The following NALF1 variants were observed in gnomAD, a reference collection of about 807,000 sequenced individuals.
NALF1 encodes NALCN channel auxiliary factor 1, also known as family with sequence similarity 155 member A.
Under a neutral mutation model 48.4 loss-of-function variants are expected in NALF1, and 3 were observed. That is an observed-to-expected ratio of 0.06 (90% CI 0.03 to 0.16). The LOEUF is 0.16. Ranked by LOEUF, NALF1 falls within the 10% of genes least tolerant of loss-of-function variation. The pLI is 1.00. For missense variants in NALF1, 526 were observed against 571.5 expected (o/e 0.92, Z 0.81); for synonymous variants, 262 against 245.7 (o/e 1.07, Z -0.62).
At chr13:107,599,421 CAAAAAAA>C (rs59715915) in intron 1 of NALF1, among the ~76,000 whole-genome samples, 1 of 122,244 alleles carries the variant, frequency 8.2e-6, no homozygotes, top group Non-Finnish European at 1.7e-5. Flanking sequence ...GACTCCGTCT[CAAAAAAA>C]AAAAAAAAAA....
At chr13:107,644,435 AT>A (rs1201893752) in intron 1 of NALF1, among the ~76,000 whole-genome samples, 320 of 151,464 alleles carry the variant, frequency 2.1e-3, no homozygotes, top group African/African-American at 7.4e-3. Flanking sequence ...AAAAAAAAAA[AT>A]CTATCCAGTG....
intron 1 of NALF1, among the ~76,000 whole-genome samples, chr13:107,587,722 T>C (rs1878498049): frequency 6.6e-6 from 1 of 152,184 alleles, no homozygotes; most frequent in Non-Finnish European, 1.5e-5. Context: ...AGACGAACAA[T>C]GAGAGGCATG....
chr13:107,495,372 A>T (rs1875295174), intron 1 of NALF1, among the ~76,000 whole-genome samples: 1 of 152,178 alleles, frequency 6.6e-6, no homozygotes, highest in Admixed American at 6.5e-5. Context: ...TTCTATGAAG[A>T]TTTTAATGAA....
intron 1 of NALF1, among the ~76,000 whole-genome samples, chr13:107,229,976 G>C (rs1880186029): frequency 6.6e-6 from 1 of 152,194 alleles, no homozygotes; most frequent in Non-Finnish European, 1.5e-5. Context: ...GGGCCAAGTA[G>C]AGAGAAGTCC....
chr13:107,395,292 A>C (rs990749239), intron 1 of NALF1, among the ~76,000 whole-genome samples: 1 of 152,076 alleles, frequency 6.6e-6, no homozygotes, highest in Non-Finnish European at 1.5e-5. Context: ...GTGGTTGCTG[A>C]ATTGATTATG....
rs536136167 is a variant in NALF1 at position 107,766,344 on chromosome 13, T to G, written c.915+99338A>C. Among the ~76,000 whole-genome samples, 7 of 152,260 alleles carry G rather than the reference T, an allele frequency of 4.6e-5. No homozygotes were observed. In the South Asian group the frequency reaches 1.5e-3, roughly 32 times the overall value. On this transcript the variant is annotated intron_variant, in intron 1 of 2. Transcript: ENST00000375915. ...AAATGCTGCTTTGCAAAAGAATAAA[T>G]AACCGATAACAATGTGCTCAGAGAA...
chr13:107,299,427 C>CT (rs1364265409), intron 1 of NALF1, among the ~76,000 whole-genome samples: 1 of 129,760 alleles, frequency 7.7e-6, no homozygotes, highest in Non-Finnish European at 1.6e-5. Flanking sequence ...CAGAGCGAGA[C>CT]TTTGTCTCAA....
intron 1 of NALF1, among the ~76,000 whole-genome samples, chr13:107,635,066 G>A (rs1352397585): frequency 6.6e-6 from 1 of 151,966 alleles, no homozygotes; most frequent in Non-Finnish European, 1.5e-5. Context: ...AATATGTTTT[G>A]GCCAAATACG....
At chr13:107,347,561 C>T (rs1165833861) in intron 1 of NALF1, among the ~76,000 whole-genome samples, 1 of 152,204 alleles carries the variant, frequency 6.6e-6, no homozygotes, top group African/African-American at 2.4e-5. Flanking sequence ...ATCATCTTCT[C>T]TTTCACGGGC....
intron 1 of NALF1, among the ~76,000 whole-genome samples, chr13:107,215,017 CAG>C (rs1188630541): frequency 6.6e-6 from 1 of 152,084 alleles, no homozygotes; most frequent in Non-Finnish European, 1.5e-5. Context: ...TCTGAGAGGA[CAG>C]AAAGTGAAGG....
chr13:107,359,770 C>T (rs775511218), intron 1 of NALF1, among the ~76,000 whole-genome samples: 1 of 152,086 alleles, frequency 6.6e-6, no homozygotes, highest in Non-Finnish European at 1.5e-5. Flanking sequence ...TTCAAAGATT[C>T]TGTCTTTGTT....
Position 107,689,299 on chromosome 13 carries a change from T to G in NALF1, c.915+176383A>C, listed in dbSNP as rs78959865. ...CTTCTTTTTTCTCGTCTCTTTTCTC[T>G]TTTCCTGTACTCAGATGCTACTGAC... On this transcript the variant is annotated intron_variant, in intron 1 of 2. Transcript: ENST00000375915. Among the ~76,000 whole-genome samples, 70 of 152,330 alleles carry G rather than the reference T, an allele frequency of 4.6e-4. No individual in the cohort carries two copies. In the East Asian group the frequency reaches 0.012, roughly 25 times the overall value.
intron 1 of NALF1, among the ~76,000 whole-genome samples, chr13:107,300,796 C>T (rs1221365460): frequency 6.6e-6 from 1 of 152,082 alleles, no homozygotes. Flanking sequence ...GTTTACCTAC[C>T]TCTGGCAGGT....
intron 1 of NALF1, among the ~76,000 whole-genome samples, chr13:107,241,388 G>A (rs1346993241): frequency 1.3e-5 from 2 of 152,164 alleles, no homozygotes; most frequent in African/African-American, 4.8e-5. Flanking sequence ...GGTCATAGAG[G>A]AAGCTGCGAT....
intron 1 of NALF1, among the ~76,000 whole-genome samples, chr13:107,262,655 A>T (rs7330992): frequency 0.79 from 120,126 of 151,984 alleles, 47,683 homozygotes; most frequent in South Asian, 0.89. Flanking sequence ...AAGCACTGTT[A>T]ATACAAATAC....
At chr13:107,382,962 C>G (rs1883465687) in intron 1 of NALF1, among the ~76,000 whole-genome samples, 1 of 152,214 alleles carries the variant, frequency 6.6e-6, no homozygotes, top group Non-Finnish European at 1.5e-5. Context: ...CCAGAGACAG[C>G]AGCTCTGGAG....
At chr13:107,524,899 G>A (rs1876378649) in intron 1 of NALF1, among the ~76,000 whole-genome samples, 1 of 152,024 alleles carries the variant, frequency 6.6e-6, no homozygotes, top group African/African-American at 2.4e-5. Context: ...CTTAAAAGCT[G>A]TGAATTTAAA....
chr13:107,522,728 C>G (rs965161059), intron 1 of NALF1, among the ~76,000 whole-genome samples: 4 of 151,892 alleles, frequency 2.6e-5, no homozygotes, highest in African/African-American at 2.4e-5. Context: ...CTTTGCGTCC[C>G]GAGTAGCTGA....
chr13:107,839,197 G>A (rs1490799928), intron 1 of NALF1, among the ~76,000 whole-genome samples: 1 of 151,806 alleles, frequency 6.6e-6, no homozygotes, highest in East Asian at 1.9e-4. Context: ...TAATTCTAAT[G>A]AATGCCATGC....
Sources: gnomAD v4.1 joint callset for allele counts (sites outside exome capture counted in the v4.1 genomes callset) on GRCh38, gnomAD v4.1.1 for gene constraint, MANE v1.5 for transcripts, NCBI Gene and HGNC (gene_info 2026-07-23, HGNC 2026-07-21) for gene names.